Variants in C22orf23 observed in about 807,000 individuals in gnomAD.
C22orf23 encodes chromosome 22 open reading frame 23.
Under a neutral mutation model 29.7 loss-of-function variants are expected in C22orf23, and 30 were observed. The observed-to-expected ratio is 1.01, with a 90% CI of 0.76 to 1.37. The LOEUF (loss-of-function observed/expected upper bound fraction) is 1.37. C22orf23 is among the 40% of genes most tolerant of loss of function. C22orf23 has a pLI of 0.00. For missense variants in C22orf23, 237 were observed against 273.1 expected (o/e 0.87, Z 0.93); for synonymous variants, 90 against 96.1 (o/e 0.94, Z 0.37).
In C22orf23 at chr22:37,947,123, C is replaced by T. The variant is rs375017340; in HGVS notation, c.349+158G>A. Among the ~76,000 whole-genome samples the T allele has an allele frequency of 3.9e-5, 6 of 152,090 alleles. No homozygotes were observed. The East Asian group carries it at 1.2e-3, about 29-fold the overall frequency. On this transcript the variant is annotated intron_variant, in intron 4 of 6. Coordinates refer to ENST00000403305, the MANE Select transcript of C22orf23 (RefSeq NM_032561.5). ...CTGGTTTCCTCTGCGCCCTGAATACCCCTAAGCCAACATGTGCTGAGGCTC... is the reference window on the plus strand; with the variant it reads ...CTGGTTTCCTCTGCGCCCTGAATACTCCTAAGCCAACATGTGCTGAGGCTC...
intron 2 of C22orf23, among the ~76,000 whole-genome samples, chr22:37,951,960 C>T (rs946422012): frequency 1.3e-5 from 2 of 151,634 alleles, no homozygotes; most frequent in Non-Finnish European, 2.9e-5. Context: ...GGATTACAGA[C>T]ATGCGCCACC....
In C22orf23 at chr22:37,951,516, A is replaced by T. The variant is rs2145710811; in HGVS notation, c.110T>A (p.Met37Lys). 3 of 1,613,900 alleles carry T rather than the reference A, an allele frequency of 1.9e-6. No individual in the cohort carries two copies. In the East Asian group the frequency reaches 6.7e-5, roughly 36 times the overall value. The change falls in exon 3 of 7, where the codon ATG becomes AAG. Residue 37 changes from methionine (M) to lysine (K), a missense_variant. Met to Lys is a moderately conservative substitution (Grantham distance 95). Transcript: ENST00000403305. The part of the protein sequence containing the change: ...PGTCELLRVM[M>K]KESKLTNIQQ... ...GATGTTCGTCAGTTTGGATTCCTTCATCATCACTGCACGACAAAGCATTCT... is the reference window on the plus strand; with the variant it reads ...GATGTTCGTCAGTTTGGATTCCTTCTTCATCACTGCACGACAAAGCATTCT...
Position 37,944,041 on chromosome 22 carries a change from C to G in C22orf23, c.*134G>C. 1 of 809,902 alleles carries G rather than the reference C, an allele frequency of 1.2e-6. No individual in the cohort carries two copies. Among genetic ancestry groups the G allele is most frequent in the Non-Finnish European group, 2.1e-6 (1 of 467,572 alleles). The allele number at this position is 809,902 out of a possible 1,614,324, so 50.2% of individuals were successfully genotyped here. A position where few individuals can be genotyped will look rare whatever the true frequency, so the allele number is the denominator to read the frequency against. Reference sequence around the variant, plus strand: ...CTGCTGAGTATGCCTTGGGGTACTGCAGGGCAGTGCTATGCCACCACCTGA... The same window carrying G: ...CTGCTGAGTATGCCTTGGGGTACTGGAGGGCAGTGCTATGCCACCACCTGA... On this transcript the variant is annotated 3_prime_UTR_variant, in exon 7 of 7. Transcript: ENST00000403305.
chr22:37,953,277 A>G, intron 1 of C22orf23, 119 bp from the exon 2 acceptor site: 2 of 671,614 alleles, frequency 3.0e-6, no homozygotes, highest in East Asian at 2.7e-5. Flanking sequence ...TGATGCCGCC[A>G]GTTAATATTG....
intron 4 of C22orf23, among the ~76,000 whole-genome samples, chr22:37,946,589 A>AC (rs1011770295): frequency 2.0e-5 from 3 of 151,588 alleles, no homozygotes; most frequent in African/African-American, 7.3e-5. Flanking sequence ...AAAAAAAAAA[A>AC]AAAAAAAAGG....
intron 2 of C22orf23, chr22:37,951,878 C>T (rs568816123): frequency 6.0e-4 from 79 of 131,302 alleles, no homozygotes; most frequent in Admixed American, 1.4e-3. Context: ...TGCAGTGGCG[C>T]GACCTCAGCT....
chr22:37,951,658 T>G (rs1029748990), intron 2 of C22orf23, 136 bp from the exon 3 acceptor site: 2 of 600,164 alleles, frequency 3.3e-6, no homozygotes, highest in Non-Finnish European at 5.8e-6. Context: ...TCCTGCTTCG[T>G]TTTTTCTATA....
At chr22:37,951,797 C>CTTTTTTTTTCTTTTTTTTTT (rs1931036171) in intron 2 of C22orf23, 1 of 38,724 alleles carries the variant, frequency 2.6e-5, no homozygotes, top group Non-Finnish European at 4.6e-5. Context: ...TCCTCTTTCT[C>CTTTTTTTTTCTTTTTTTTTT]TTTTTTTTTT....
In C22orf23 at chr22:37,953,302, C is replaced by A. The variant is rs554746927; in HGVS notation, c.-9-144G>T. 3 of 615,560 alleles carry A rather than the reference C, an allele frequency of 4.9e-6. No individual in the cohort carries two copies. In the African/African-American group the frequency reaches 5.5e-5, roughly 11 times the overall value. 38.1% of individuals were successfully genotyped at this position (615,560 alleles called of 1,614,324 possible). On this transcript the variant is annotated intron_variant, in intron 1 of 6. Coordinates refer to ENST00000403305, the MANE Select transcript of C22orf23 (RefSeq NM_032561.5). ...AGTTAATATTGCGACAGTGCCCAAA[C>A]CTCCCATCCAGACACACAGATACAC...
In C22orf23 at chr22:37,947,531, G is replaced by A. The variant is rs1177707888; in HGVS notation, c.167-68C>T. ...TTTTTTTTTTTTTTTTTTTTTTTGA[G>A]TCTGAGTCTTGCTCTGTCACTCAGG... is the stretch of plus-strand genomic sequence containing the variant. On this transcript the variant is annotated intron_variant, in intron 3 of 6. Coordinates refer to ENST00000403305, the MANE Select transcript of C22orf23 (RefSeq NM_032561.5). 4.0e-4 allele frequency: 422 copies of A among 1,044,020 alleles called. 3 individuals are homozygous for A. Among genetic ancestry groups the A allele is most frequent in the Non-Finnish European group, 4.8e-4 (377 of 785,068 alleles). 64.7% of individuals were successfully genotyped at this position (1,044,020 alleles called of 1,614,324 possible). A position where few individuals can be genotyped will look rare whatever the true frequency, so the allele number is the denominator to read the frequency against.
In C22orf23 at chr22:37,947,332, A is replaced by C; in HGVS notation, c.298T>G (p.Cys100Gly). 1 of 1,613,814 alleles carries C rather than the reference A, an allele frequency of 6.2e-7. No individual in the cohort carries two copies. The highest frequency in any genetic ancestry group is 1.1e-5 in the South Asian group (1 of 91,080). ...ARPHLRPANM[C>G]QANGAYSREQ... The stretch of plus-strand genomic sequence containing the variant: ...CGGCTGTAGGCCCCATTGGCTTGAC[A>C]CATGTTGGCAGGCCGGAGGTGGGGA... Residue 100 changes from cysteine (C) to glycine (G), a missense_variant, in exon 4 of 7, where the codon TGT becomes GGT. Transcript: ENST00000403305.
At chr22:37,947,990 C>T (rs190847217) in intron 3 of C22orf23, among the ~76,000 whole-genome samples, 22 of 151,958 alleles carry the variant, frequency 1.4e-4, no homozygotes, top group Admixed American at 1.3e-3. Flanking sequence ...GCCTATAGTC[C>T]CTACTGCTCG....
At chr22:37,951,211 C>CA (rs560649721) in intron 3 of C22orf23, 12,206 of 302,870 alleles carry the variant, frequency 0.04, no homozygotes, top group South Asian at 0.061. Flanking sequence ...GACTCTGTCT[C>CA]AAAAAAAAAA....
chr22:37,949,284 G>GTTTTTTTT (rs1215001658), intron 3 of C22orf23, among the ~76,000 whole-genome samples: 1 of 129,352 alleles, frequency 7.7e-6, no homozygotes, highest in African/African-American at 2.9e-5. Context: ...CCCATCCATT[G>GTTTTTTTT]TTTTTTTTTT....
At chr22:37,951,725 T>G in intron 2 of C22orf23, 1 of 354,754 alleles carries the variant, frequency 2.8e-6, no homozygotes, top group Non-Finnish European at 5.0e-6. Context: ...CCTTCTATAT[T>G]AGCTGTATGA....
chr22:37,952,129 C>T (rs540563932), intron 2 of C22orf23, among the ~76,000 whole-genome samples: 1 of 152,012 alleles, frequency 6.6e-6, no homozygotes, highest in African/African-American at 2.4e-5. Flanking sequence ...TGCTGTATCC[C>T]CAGCACCTAA....
intron 3 of C22orf23, 29 bp from the exon 4 acceptor site, chr22:37,947,492 A>G: frequency 2.2e-6 from 2 of 923,748 alleles, no homozygotes; most frequent in Non-Finnish European, 3.0e-6. Context: ...GGGTGGGAGG[A>G]CCCACATGGC....
Position 37,953,578 on chromosome 22 carries a change from G to A in C22orf23, c.-140C>T, listed in dbSNP as rs1421643451. 3.3e-6 allele frequency: 2 copies of A among 598,548 alleles called. No homozygotes were observed. The highest frequency in any genetic ancestry group is 5.7e-6 in the Non-Finnish European group (2 of 350,278). The allele number at this position is 598,548 out of a possible 1,614,324, so 37.1% of individuals were successfully genotyped here. On this transcript the variant is annotated 5_prime_UTR_variant, in exon 1 of 7. Transcript: ENST00000403305. ...TGCGCGATCTGGGCTGCTGGAGCTG[G>A]CAGCTAGCGCCTCTCGCTACTATAG... is the stretch of plus-strand genomic sequence containing the variant.
At chr22:37,946,339 T>C (rs1297807318) in intron 4 of C22orf23, among the ~76,000 whole-genome samples, 1 of 151,820 alleles carries the variant, frequency 6.6e-6, no homozygotes, top group Non-Finnish European at 1.5e-5. Context: ...GGCATGAGAA[T>C]TGCCTGAACC....
Sources: gnomAD v4.1 joint callset for allele counts (sites outside exome capture counted in the v4.1 genomes callset) on GRCh38, gnomAD v4.1.1 for gene constraint, MANE v1.5 for transcripts, NCBI Gene and HGNC (gene_info 2026-07-23, HGNC 2026-07-21) for gene names.